The following ANKDD1A variants were observed in gnomAD, a reference collection of about 807,000 sequenced individuals.
ANKDD1A encodes the protein ankyrin repeat and death domain-containing protein 1A.
ANKDD1A carries 59 observed loss-of-function variants against 63.5 expected under a neutral mutation model. The ratio of observed to expected loss-of-function variants is 0.93; its 90% CI spans 0.75 to 1.15. The LOEUF (loss-of-function observed/expected upper bound fraction) is 1.15, where lower values mean the gene tolerates loss of function less well. Ranked by LOEUF, ANKDD1A falls within the 50% of genes most tolerant of loss-of-function variation. ANKDD1A has a pLI of 0.00. For missense variants in ANKDD1A, 632 were observed against 656.4 expected, an observed-to-expected ratio of 0.96 and a Z score of 0.41; for synonymous variants, 266 against 263.9, an observed-to-expected ratio of 1.01 and a Z score of -0.08.
chr15:64,950,727 C>CGGGGGGGGGGGGGGGGG, intron 14 of ANKDD1A: 1 of 425,076 alleles, frequency 2.4e-6, no homozygotes. Flanking sequence ...AAAGAAAGGA[C>CGGGGGGGGGGGGGGGGG]CGCCCCCCCC....
At chr15:64,928,341 G>A (rs1311229411) in intron 6 of ANKDD1A, among the ~76,000 whole-genome samples, 4 of 152,250 alleles carry the variant, frequency 2.6e-5, no homozygotes, top group Non-Finnish European at 2.9e-5. Context: ...AGCGGGGAGG[G>A]CAGTGCCTGC....
At chr15:64,931,285 G>T (rs12438783) in intron 7 of ANKDD1A, among the ~76,000 whole-genome samples, 40,860 of 151,972 alleles carry the variant, frequency 0.27, 5,623 homozygotes, top group South Asian at 0.35. Flanking sequence ...TATGCCATGT[G>T]TGTGCTCCAT....
chr15:64,935,527 T>C (rs549906421), intron 9 of ANKDD1A, among the ~76,000 whole-genome samples: 63 of 151,990 alleles, frequency 4.1e-4, no homozygotes, highest in South Asian at 8.3e-4. Flanking sequence ...TACAAAAAAT[T>C]AGCCGGGCTT....
intron 9 of ANKDD1A, 125 bp downstream of exon 9, chr15:64,934,359 G>A: frequency 1.3e-6 from 1 of 756,358 alleles, no homozygotes. Flanking sequence ...AGGAGTAGGG[G>A]AGCCGGCAGC....
At chr15:64,912,299 G>C (rs927209707) in intron 1 of ANKDD1A, among the ~76,000 whole-genome samples, 1 of 152,232 alleles carries the variant, frequency 6.6e-6, no homozygotes, top group African/African-American at 2.4e-5. Context: ...TTTGATCTTC[G>C]CTGCGGCCAT....
chr15:64,953,868 T>C (rs1484399546), intron 14 of ANKDD1A, among the ~76,000 whole-genome samples: 3 of 75,956 alleles, frequency 3.9e-5, no homozygotes, highest in Non-Finnish European at 8.9e-5. Context: ...TCTTCCTCTT[T>C]CTTCTTCATT....
At chr15:64,950,261 T>C in intron 14 of ANKDD1A, 2 of 985,394 alleles carry the variant, frequency 2.0e-6, no homozygotes, top group Non-Finnish European at 2.4e-6. Flanking sequence ...CAGCCCTCTA[T>C]ACCTTGACAT....
chr15:64,927,780 G>T (rs2085058432), intron 6 of ANKDD1A, among the ~76,000 whole-genome samples: 1 of 151,662 alleles, frequency 6.6e-6, no homozygotes, highest in South Asian at 2.1e-4. Context: ...AATTTTTTTT[G>T]TATTTTTAGT....
At position 64,953,446 on chromosome 15, in the gene ANKDD1A, T is replaced by G. The variant is rs1243484047; in HGVS notation, c.1483+3474T>G. On this transcript the variant is annotated intron_variant, in intron 14 of 14. Transcript: ENST00000319580. ...TTCTTCTTCCTCCTCCTTCCTTTTC[T>G]TCTTTCTTCTCTCCTTCTTCTTCTT... is the stretch of plus-strand genomic sequence containing the variant. Among the ~76,000 whole-genome samples the G allele has an allele frequency of 4.6e-5, 5 of 109,752 alleles. 1 individual carries two copies. Among genetic ancestry groups the G allele is most frequent in the Non-Finnish European group, 1.9e-5 (1 of 51,290 alleles). 72.0% of individuals were successfully genotyped at this position (109,752 alleles called of 152,430 possible). A position where few individuals can be genotyped will look rare whatever the true frequency, so the allele number is the denominator to read the frequency against.
chr15:64,925,227 C>CAAAAAA (rs769786433), intron 4 of ANKDD1A, among the ~76,000 whole-genome samples: 19 of 42,534 alleles, frequency 4.5e-4, no homozygotes, highest in Middle Eastern at 9.4e-3. Context: ...GACTCCGACT[C>CAAAAAA]AAAAAAAAAA....
chr15:64,915,964 G>A, intron 2 of ANKDD1A, 64 bp downstream of exon 2: 1 of 1,487,376 alleles, frequency 6.7e-7, no homozygotes, highest in Non-Finnish European at 9.2e-7. Flanking sequence ...CCAGTACACA[G>A]GGGGAATAGT....
At chr15:64,955,711 G>C (rs2085411348) in intron 14 of ANKDD1A, among the ~76,000 whole-genome samples, 1 of 152,144 alleles carries the variant, frequency 6.6e-6, no homozygotes. Flanking sequence ...TCAAAGTTCT[G>C]CATTGAGCCT....
chr15:64,951,317 T>TTC (rs201616755), intron 14 of ANKDD1A: 1 of 735,098 alleles, frequency 1.4e-6, no homozygotes, highest in African/African-American at 3.9e-5. Flanking sequence ...CTTCTTCTTC[T>TTC]TTCTTCTTTC....
At chr15:64,946,251 T>A (rs1276046480) in intron 12 of ANKDD1A, among the ~76,000 whole-genome samples, 2 of 152,186 alleles carry the variant, frequency 1.3e-5, no homozygotes, top group African/African-American at 2.4e-5. Flanking sequence ...AATAAGACCA[T>A]TAACTTAAAC....
At position 64,931,576 on chromosome 15, in the gene ANKDD1A, C is replaced by T; in HGVS notation, c.759C>T (p.Ala253=). 3 of 1,613,968 alleles carry T rather than the reference C, an allele frequency of 1.9e-6. No individual in the cohort carries two copies. Among genetic ancestry groups the T allele is most frequent in the Non-Finnish European group, 2.5e-6 (3 of 1,180,018 alleles). ...LLLRAGSTVN[A]LTQKNLSCLH... is the part of the protein sequence containing the mutation. ...TCAGGGCTGGGAGCACCGTGAATGC[C>T]CTCACCCAGGTAGCCAGGCCCTCCC... The change falls in exon 8 of 15, where the codon GCC becomes GCT. Residue 253 remains alanine, a synonymous_variant. Coordinates refer to ENST00000319580, the MANE Select transcript of ANKDD1A (RefSeq NM_182703.6).
At chr15:64,920,940 A>G (rs1028183521) in intron 3 of ANKDD1A, among the ~76,000 whole-genome samples, 3 of 152,060 alleles carry the variant, frequency 2.0e-5, no homozygotes, top group African/African-American at 7.2e-5. Flanking sequence ...GGGACAACGT[A>G]TTTTTCATGA....
At chr15:64,918,050 T>C (rs777779945) in intron 3 of ANKDD1A, among the ~76,000 whole-genome samples, 1 of 152,362 alleles carries the variant, frequency 6.6e-6, no homozygotes, top group African/African-American at 2.4e-5. Context: ...GATACACTTA[T>C]GGCTTTGTCT....
intron 9 of ANKDD1A, among the ~76,000 whole-genome samples, chr15:64,940,901 G>C (rs1425625835): frequency 1.3e-5 from 2 of 152,096 alleles, no homozygotes; most frequent in Non-Finnish European, 2.9e-5. Flanking sequence ...ACTATGCTCA[G>C]CTAATTTTGT....
At chr15:64,926,869 G>A (rs1222562971) in intron 5 of ANKDD1A, 32 bp from the exon 6 acceptor site, 1 of 1,612,216 alleles carries the variant, frequency 6.2e-7, no homozygotes, top group African/African-American at 1.3e-5. Context: ...GACAGAGTGA[G>A]GAAGGCTCAC....
Sources: allele counts gnomAD v4.1 joint callset (sites outside exome capture counted in the v4.1 genomes callset), GRCh38; gene constraint gnomAD v4.1.1; transcripts MANE v1.5; gene names NCBI Gene and HGNC (gene_info 2026-07-23, HGNC 2026-07-21).